The following CFAP251 variants were observed in gnomAD, a reference collection of about 807,000 sequenced individuals.
CFAP251 encodes the protein cilia- and flagella-associated protein 251.
A neutral mutation model predicts 126.7 loss-of-function variants in CFAP251; 93 were observed. The observed-to-expected ratio is 0.73, with a 90% CI of 0.62 to 0.87. CFAP251 has a LOEUF of 0.87. Ranked by LOEUF, CFAP251 falls within the 40% of genes least tolerant of loss-of-function variation. The probability of loss-of-function intolerance (pLI) is 0.00; values close to 1 mark genes in which losing one functional copy is unlikely to be tolerated. For missense variants in CFAP251, 1,287 were observed against 1,389.2 expected, an observed-to-expected ratio of 0.93 and a Z score of 1.17; for synonymous variants, 503 against 506.9, an observed-to-expected ratio of 0.99 and a Z score of 0.10.
chr12:121,962,260 C>A, intron 15 of CFAP251, 98 bp downstream of exon 15: 1 of 1,109,074 alleles, frequency 9.0e-7, no homozygotes, highest in Non-Finnish European at 1.3e-6. Context: ...GGCAGCTTGG[C>A]TACTATTATC....
At chr12:121,950,519 TGTGA>T (rs1158206161) in intron 8 of CFAP251, 2 of 152,198 alleles carry the variant, frequency 1.3e-5, no homozygotes, top group African/African-American at 2.4e-5. Flanking sequence ...AGTCACTGAT[TGTGA>T]GTGATAGTCA....
chr12:121,999,193 AG>A (rs1230891096), intron 19 of CFAP251: 1 of 152,802 alleles, frequency 6.5e-6, no homozygotes, highest in African/African-American at 2.4e-5. Context: ...ATATTAATTG[AG>A]GTTGACATGT....
At chr12:121,962,241 G>GA in intron 15 of CFAP251, 79 bp downstream of exon 15, 1 of 1,336,790 alleles carries the variant, frequency 7.5e-7, no homozygotes, top group Non-Finnish European at 1.0e-6. Context: ...CTCCACATAG[G>GA]GACCTGCAGG....
chr12:121,929,335 G>C (rs1248078610), intron 3 of CFAP251, among the ~76,000 whole-genome samples: 1 of 146,770 alleles, frequency 6.8e-6, no homozygotes, highest in African/African-American at 2.5e-5. Context: ...AAAAAAAAAA[G>C]AAAAAAGAAA....
At chr12:122,000,055 A>T (rs1883112979) in intron 20 of CFAP251, 111 bp downstream of exon 20, 1 of 989,722 alleles carries the variant, frequency 1.0e-6, no homozygotes, top group Admixed American at 2.6e-5. Context: ...GAAAGAGGTG[A>T]TTTGACCAGA....
chr12:121,924,655 C>T (rs932545682), intron 3 of CFAP251, among the ~76,000 whole-genome samples: 3 of 151,176 alleles, frequency 2.0e-5, no homozygotes, highest in Non-Finnish European at 4.4e-5. Flanking sequence ...TGATCTCGAT[C>T]TCTGGACCTC....
rs1232437718 is a variant in CFAP251, at chr12:121,951,848, A to T, written c.1320+318A>T. On this transcript the variant is annotated intron_variant, in intron 9 of 21. Coordinates refer to ENST00000288912, the MANE Select transcript of CFAP251 (RefSeq NM_144668.6). Reference sequence around the variant, plus strand: ...ATTCTTCTGCCTCAGCCTCCCGAGTAGCTGGGACTACAGGCGCCTGCCACC... The same window carrying T: ...ATTCTTCTGCCTCAGCCTCCCGAGTTGCTGGGACTACAGGCGCCTGCCACC... Among the ~76,000 whole-genome samples the T allele has an allele frequency of 2.0e-5, 3 of 151,742 alleles. 1 individual carries two copies. Among genetic ancestry groups the T allele is most frequent in the Non-Finnish European group, 2.9e-5 (2 of 67,956 alleles).
intron 15 of CFAP251, among the ~76,000 whole-genome samples, chr12:121,964,637 G>A (rs1565915674): frequency 6.6e-6 from 1 of 152,218 alleles, no homozygotes; most frequent in African/African-American, 2.4e-5. Context: ...CGGGCGTGGT[G>A]GCTCACGCCC....
intron 10 of CFAP251, among the ~76,000 whole-genome samples, chr12:121,954,659 A>AAAAAAAC (rs1368179679): frequency 6.9e-6 from 1 of 145,858 alleles, no homozygotes; most frequent in Non-Finnish European, 1.5e-5. Flanking sequence ...AAAAAAAAAA[A>AAAAAAAC]AAAAAAAAAC....
At position 121,958,435 on chromosome 12, in the gene CFAP251, G is replaced by A. The variant is rs561423263; in HGVS notation, c.1894G>A (p.Val632Met). ...AIGSICGMIK[V>M]WNYENKQYLF... ...CGGGAGCATCTGTGGGATGATCAAA[G>A]TGTGGAATTATGAAAACAAACAATA... is the stretch of plus-strand genomic sequence containing the variant. The change falls in exon 12 of 22, where the codon GTG (valine) becomes ATG (methionine). Residue 632 changes from valine (V) to methionine (M), a missense_variant. By Grantham distance (21) the Val-to-Met change is conservative. Transcript: ENST00000288912. The A allele has an allele frequency of 2.5e-6, 4 of 1,614,238 alleles. No individual in the cohort carries two copies. The East Asian group carries it at 6.7e-5, about 27-fold the overall frequency.
chr12:121,946,198 T>C (rs1184606804), intron 7 of CFAP251, among the ~76,000 whole-genome samples: 2 of 152,228 alleles, frequency 1.3e-5, no homozygotes, highest in Non-Finnish European at 2.9e-5. Context: ...TTTGGTTTCT[T>C]CCACTCAGTT....
chr12:121,969,520 C>T (rs1470526893), intron 17 of CFAP251: 3 of 980,876 alleles, frequency 3.1e-6, no homozygotes, highest in South Asian at 4.7e-5. Flanking sequence ...GGGTCTGGCT[C>T]AGTCGCTCAG....
chr12:121,992,070 GC>G (rs753325656), intron 19 of CFAP251: 5 of 310,894 alleles, frequency 1.6e-5, no homozygotes, highest in Non-Finnish European at 2.3e-5. Flanking sequence ...ATGGAATAAA[GC>G]CCCGCCTTAG....
chr12:121,970,115 G>T (rs973308068), intron 17 of CFAP251: 2 of 336,442 alleles, frequency 5.9e-6, no homozygotes, highest in Non-Finnish European at 8.4e-6. Flanking sequence ...CCTCACATTC[G>T]ATCATTTCAG....
intron 10 of CFAP251, among the ~76,000 whole-genome samples, chr12:121,956,473 T>C (rs1881731361): frequency 6.6e-6 from 1 of 152,174 alleles, no homozygotes; most frequent in South Asian, 2.1e-4. Context: ...TGGGATGTAC[T>C]TACACTAAAT....
intron 1 of CFAP251, among the ~76,000 whole-genome samples, chr12:121,919,310 C>T (rs1257167492): frequency 2.0e-5 from 3 of 151,106 alleles, no homozygotes; most frequent in Non-Finnish European, 3.0e-5. Context: ...TTTTTTTGTT[C>T]GGGGTCCAAC....
chr12:121,970,439 C>T (rs938268432), intron 17 of CFAP251, among the ~76,000 whole-genome samples: 3 of 152,122 alleles, frequency 2.0e-5, no homozygotes, highest in Non-Finnish European at 4.4e-5. Flanking sequence ...CTTCACTTCT[C>T]GGAGCCTCAG....
intron 10 of CFAP251, among the ~76,000 whole-genome samples, chr12:121,954,636 T>TTAAAAAA (rs1881651364): frequency 2.4e-5 from 1 of 41,978 alleles, no homozygotes; most frequent in Non-Finnish European, 4.0e-5. Context: ...CCTCCTGTCT[T>TTAAAAAA]AAAAAAAAAA....
At chr12:121,998,918 A>AAAAAAAG (rs1555221247) in intron 19 of CFAP251, 4 of 141,474 alleles carry the variant, frequency 2.8e-5, no homozygotes, top group African/African-American at 1.1e-4. Flanking sequence ...AAAAAAAAAA[A>AAAAAAAG]GGGGGAAGTG....
Sources: allele counts gnomAD v4.1 joint callset (sites outside exome capture counted in the v4.1 genomes callset), GRCh38; gene constraint gnomAD v4.1.1; transcripts MANE v1.5; gene names NCBI Gene and HGNC (gene_info 2026-07-23, HGNC 2026-07-21).